Variants in PPP1R9A observed in about 807,000 individuals in gnomAD.
PPP1R9A encodes neurabin-1.
A neutral mutation model predicts 141.9 loss-of-function variants in PPP1R9A; 59 were observed. That is an observed-to-expected ratio of 0.42 (90% CI 0.34 to 0.52). The LOEUF (loss-of-function observed/expected upper bound fraction) is 0.52, where lower values mean the gene tolerates loss of function less well. Ranked by LOEUF, PPP1R9A falls within the 20% of genes least tolerant of loss-of-function variation. The pLI is 0.10. For missense variants in PPP1R9A, 1,444 were observed against 1,611.9 expected, an observed-to-expected ratio of 0.90 and a Z score of 1.78; for synonymous variants, 500 against 569.7, an observed-to-expected ratio of 0.88 and a Z score of 1.74.
chr7:95,145,364 T>A (rs1207485739), intron 4 of PPP1R9A, among the ~76,000 whole-genome samples: 1 of 152,150 alleles, frequency 6.6e-6, no homozygotes, highest in East Asian at 1.9e-4. Context: ...GTTTAAGGGA[T>A]GCAAATAAGC....
At chr7:95,116,037 A>C (rs1821447419) in intron 3 of PPP1R9A, among the ~76,000 whole-genome samples, 2 of 152,160 alleles carry the variant, frequency 1.3e-5, no homozygotes, top group African/African-American at 4.8e-5. Flanking sequence ...AAAAGCCCTT[A>C]AATTTTTTAA....
intron 2 of PPP1R9A, among the ~76,000 whole-genome samples, chr7:95,023,699 C>T (rs1264970610): frequency 3.9e-5 from 6 of 151,988 alleles, no homozygotes; most frequent in Admixed American, 3.9e-4. Flanking sequence ...CTACAGGCAC[C>T]CATCACCACA....
At chr7:95,142,596 T>C (rs1388194042) in intron 4 of PPP1R9A, among the ~76,000 whole-genome samples, 1 of 152,102 alleles carries the variant, frequency 6.6e-6, no homozygotes, top group African/African-American at 2.4e-5. Context: ...TTTTCTAGCA[T>C]CATTTTTTGA....
intron 2 of PPP1R9A, among the ~76,000 whole-genome samples, chr7:94,995,620 G>A (rs192392075): frequency 5.1e-4 from 77 of 151,344 alleles, no homozygotes; most frequent in Non-Finnish European, 9.0e-4. Context: ...TTTTATCTTA[G>A]ACATTATAAT....
chr7:95,145,750 GT>G (rs1418001156), intron 4 of PPP1R9A, among the ~76,000 whole-genome samples: 6 of 152,146 alleles, frequency 3.9e-5, no homozygotes, highest in Non-Finnish European at 8.8e-5. Context: ...AACATGTGGT[GT>G]TTGGTTTTCT....
At chr7:94,930,618 G>C (rs1017255331) in intron 2 of PPP1R9A, among the ~76,000 whole-genome samples, 1 of 152,142 alleles carries the variant, frequency 6.6e-6, no homozygotes, top group Non-Finnish European at 1.5e-5. Context: ...GGGATTACAG[G>C]CGTGAACCAC....
chr7:95,056,328 A>G (rs1404462177), intron 2 of PPP1R9A, among the ~76,000 whole-genome samples: 3 of 152,170 alleles, frequency 2.0e-5, no homozygotes, highest in Non-Finnish European at 4.4e-5. Flanking sequence ...AAGTTTATAG[A>G]CATAGGATTT....
chr7:94,948,348 G>A (rs2151006253), intron 2 of PPP1R9A, among the ~76,000 whole-genome samples: 1 of 152,080 alleles, frequency 6.6e-6, no homozygotes, highest in South Asian at 2.1e-4. Flanking sequence ...ATAATGGGGT[G>A]GTTTTGTTTT....
chr7:95,209,250 A>C (rs1024473668), intron 7 of PPP1R9A, among the ~76,000 whole-genome samples: 3 of 152,196 alleles, frequency 2.0e-5, no homozygotes, highest in Non-Finnish European at 2.9e-5. Context: ...TATAAAATGA[A>C]TATGACATAG....
chr7:95,258,966 A>G (rs1194168074), intron 12 of PPP1R9A, among the ~76,000 whole-genome samples: 2 of 152,220 alleles, frequency 1.3e-5, no homozygotes, highest in Non-Finnish European at 1.5e-5. Flanking sequence ...TTGTCAGTGT[A>G]TACCAAAAGG....
intron 6 of PPP1R9A, 131 bp from the exon 7 acceptor site, chr7:95,203,534 C>T: frequency 1.8e-6 from 1 of 558,772 alleles, no homozygotes; most frequent in South Asian, 3.2e-5. Context: ...CAACATGCCG[C>T]AATATTGTCT....
chr7:95,024,506 G>A (rs568929620), intron 2 of PPP1R9A, among the ~76,000 whole-genome samples: 12 of 152,134 alleles, frequency 7.9e-5, no homozygotes, highest in East Asian at 1.9e-4. Context: ...TTCTTGTTGC[G>A]TTGATCCCTT....
intron 12 of PPP1R9A, among the ~76,000 whole-genome samples, chr7:95,265,842 G>C (rs1801206889): frequency 6.6e-6 from 1 of 152,006 alleles, no homozygotes; most frequent in African/African-American, 2.4e-5. Flanking sequence ...TGGCTACTTA[G>C]GTACCGGATA....
intron 4 of PPP1R9A, among the ~76,000 whole-genome samples, chr7:95,138,405 T>C (rs944296079): frequency 6.6e-6 from 1 of 152,040 alleles, no homozygotes; most frequent in African/African-American, 2.4e-5. Flanking sequence ...TGGACATAGG[T>C]CTAATATTAT....
chr7:95,185,770 T>C (rs1487024509), intron 5 of PPP1R9A, among the ~76,000 whole-genome samples: 1 of 152,196 alleles, frequency 6.6e-6, no homozygotes, highest in Non-Finnish European at 1.5e-5. Flanking sequence ...CCAACACCTT[T>C]TGTTGAATAG....
intron 8 of PPP1R9A, among the ~76,000 whole-genome samples, chr7:95,228,452 T>C (rs1795452477): frequency 6.6e-6 from 1 of 152,212 alleles, no homozygotes. Context: ...TATTAAATGC[T>C]CCTTTACCAA....
intron 2 of PPP1R9A, among the ~76,000 whole-genome samples, chr7:95,028,743 TACAA>T (rs1421754895): frequency 2.0e-5 from 3 of 152,192 alleles, no homozygotes; most frequent in East Asian, 1.9e-4. Flanking sequence ...ATTTAATACA[TACAA>T]ACAAATTCCA....
At chr7:95,009,628 C>G (rs1310537399) in intron 2 of PPP1R9A, among the ~76,000 whole-genome samples, 4 of 152,176 alleles carry the variant, frequency 2.6e-5, no homozygotes, top group African/African-American at 9.7e-5. Flanking sequence ...TACAATTCTG[C>G]CAGAACTTGT....
intron 7 of PPP1R9A, among the ~76,000 whole-genome samples, chr7:95,211,716 G>A (rs1238965311): frequency 6.6e-6 from 1 of 152,148 alleles, no homozygotes; most frequent in Non-Finnish European, 1.5e-5. Flanking sequence ...GTTAGGAGTG[G>A]TGGCTCACAC....
Sources: gnomAD v4.1 joint callset for allele counts (sites outside exome capture counted in the v4.1 genomes callset) on GRCh38, gnomAD v4.1.1 for gene constraint, MANE v1.5 for transcripts, NCBI Gene and HGNC (gene_info 2026-07-23, HGNC 2026-07-21) for gene names.